Variants in CLDN16 observed in about 807,000 individuals in gnomAD.
CLDN16 encodes claudin-16.
In CLDN16, 13 loss-of-function variants were observed where a neutral mutation model predicts 24.6. That is an observed-to-expected ratio of 0.53 (90% CI 0.34 to 0.84). The LOEUF is 0.84. Among genes scored for constraint, CLDN16 ranks in the 40% least tolerant of loss-of-function variants. The probability of loss-of-function intolerance (pLI) is 0.01; values close to 1 mark genes in which losing one functional copy is unlikely to be tolerated. For synonymous variants in CLDN16, 116 were observed against 106.7 expected, an observed-to-expected ratio of 1.09 and a Z score of -0.54; for missense variants, 298 against 292.7, an observed-to-expected ratio of 1.02 and a Z score of -0.13.
At chr3:190,325,243 C>A (rs1717036325) in intron 1 of CLDN16, among the ~76,000 whole-genome samples, 1 of 152,174 alleles carries the variant, frequency 6.6e-6, no homozygotes, top group Non-Finnish European at 1.5e-5. Flanking sequence ...GAATTCCAAA[C>A]TATATAATTT....
At chr3:190,373,461 T>C (rs1718184228) in intron 2 of CLDN16, among the ~76,000 whole-genome samples, 1 of 152,006 alleles carries the variant, frequency 6.6e-6, no homozygotes, top group South Asian at 2.1e-4. Flanking sequence ...TGATTCTCAA[T>C]CTTCTTGAAA....
chr3:190,406,140 G>A (rs1719091031), intron 3 of CLDN16, among the ~76,000 whole-genome samples: 1 of 152,210 alleles, frequency 6.6e-6, no homozygotes, highest in Non-Finnish European at 1.5e-5. Context: ...CTATGGTGAA[G>A]ATGCAATGTG....
At chr3:190,319,537 G>T (rs568202207), upstream of CLDN16, among the ~76,000 whole-genome samples, 12 of 152,224 alleles carry the variant, frequency 7.9e-5, no homozygotes, top group South Asian at 1.0e-3. Context: ...AAGGTCATAT[G>T]CTTTTTATGA....
chr3:190,398,347 G>T (rs2108665747), intron 1 of CLDN16, among the ~76,000 whole-genome samples: 1 of 152,352 alleles, frequency 6.6e-6, no homozygotes, highest in African/African-American at 2.4e-5. Flanking sequence ...AGTTCTGGAA[G>T]AATCCGTTCT....
chr3:190,297,254 A>C, the CLDN16 span, among the ~76,000 whole-genome samples: 1 of 151,794 alleles, frequency 6.6e-6, no homozygotes, highest in South Asian at 2.1e-4. Context: ...ATAAAAAGTC[A>C]CATCAACAGA....
chr3:190,300,032 C>G, the CLDN16 span, among the ~76,000 whole-genome samples: 4 of 152,150 alleles, frequency 2.6e-5, no homozygotes, highest in African/African-American at 9.7e-5. Flanking sequence ...TGTCTACTAC[C>G]TACCTTGGGA....
intron 1 of CLDN16, among the ~76,000 whole-genome samples, chr3:190,395,600 ATAAG>A (rs1377796237): frequency 6.6e-6 from 1 of 152,112 alleles, no homozygotes; most frequent in Non-Finnish European, 1.5e-5. Flanking sequence ...CTTAATAAAT[ATAAG>A]TAAGTACTAA....
At chr3:190,355,372 C>G (rs1302225884) in intron 1 of CLDN16, among the ~76,000 whole-genome samples, 2 of 151,778 alleles carry the variant, frequency 1.3e-5, no homozygotes, top group African/African-American at 4.8e-5. Context: ...AATTATTGGC[C>G]TGTTAAAAAT....
chr3:190,337,033 G>A (rs1043307265), intron 1 of CLDN16, among the ~76,000 whole-genome samples: 1 of 152,198 alleles, frequency 6.6e-6, no homozygotes, highest in Non-Finnish European at 1.5e-5. Context: ...ATCCTTATGA[G>A]CAGCTAATAG....
chr3:190,312,556 T>A, the CLDN16 span, among the ~76,000 whole-genome samples: 1 of 152,220 alleles, frequency 6.6e-6, no homozygotes, highest in Non-Finnish European at 1.5e-5. Flanking sequence ...GGAGACACCA[T>A]AGGAATTATC....
At chr3:190,398,731 A>G (rs539141182) in intron 1 of CLDN16, among the ~76,000 whole-genome samples, 44 of 152,252 alleles carry the variant, frequency 2.9e-4, no homozygotes, top group Non-Finnish European at 6.2e-4. Context: ...TGAGCATATC[A>G]TTTATATTGC....
the CLDN16 span, among the ~76,000 whole-genome samples, chr3:190,298,366 C>CACACACACACACACACACACAA: frequency 6.6e-6 from 1 of 151,768 alleles, no homozygotes; most frequent in African/African-American, 2.4e-5. Flanking sequence ...CACACACACA[C>CACACACACACACACACACACAA]ACACACACAC....
chr3:190,350,611 A>C (rs1256461925), intron 1 of CLDN16, among the ~76,000 whole-genome samples: 1 of 152,150 alleles, frequency 6.6e-6, no homozygotes, highest in Non-Finnish European at 1.5e-5. Flanking sequence ...CAGCTCCACC[A>C]TTTAACTAGC....
intron 1 of CLDN16, among the ~76,000 whole-genome samples, chr3:190,322,847 T>A (rs1165777311): frequency 6.6e-6 from 1 of 152,044 alleles, no homozygotes; most frequent in African/African-American, 2.4e-5. Flanking sequence ...TCCTCCCCCA[T>A]CACACCATTT....
At chr3:190,377,378 C>T (rs900537587) in intron 3 of CLDN16, among the ~76,000 whole-genome samples, 1 of 151,738 alleles carries the variant, frequency 6.6e-6, no homozygotes, top group African/African-American at 2.4e-5. Context: ...AAACATTTTA[C>T]TAAAAATGGA....
intron 1 of CLDN16, among the ~76,000 whole-genome samples, chr3:190,337,146 G>A (rs573388580): frequency 2.2e-4 from 33 of 152,296 alleles, no homozygotes; most frequent in African/African-American, 7.5e-4. Context: ...GTAAGTCCTG[G>A]AAGACAGTAT....
upstream of CLDN16, among the ~76,000 whole-genome samples, chr3:190,319,075 T>C (rs1049638214): frequency 2.0e-5 from 3 of 152,124 alleles, no homozygotes; most frequent in Non-Finnish European, 4.4e-5. Flanking sequence ...ATTCTCTGCT[T>C]GCACACCTCC....
In CLDN16 at chr3:190,376,743, G is replaced by C. The variant is rs376635016; in HGVS notation, n.306+2140G>C. On this transcript the variant is annotated intron_variant and non_coding_transcript_variant, in intron 3 of 4. Coordinates refer to the CLDN16 transcript ENST00000468220. ...TCTGCCCATAAAGAATTCCCATCCT[G>C]GTAAGGAGAAGAGACACAGAGAATT... Among the ~76,000 whole-genome samples, 8 of 151,980 alleles carry C rather than the reference G, an allele frequency of 5.3e-5. No individual in the cohort carries two copies. The East Asian group carries it at 1.2e-3, about 22-fold the overall frequency.
chr3:190,375,601 G>C (rs1718228947), intron 3 of CLDN16, among the ~76,000 whole-genome samples: 1 of 151,940 alleles, frequency 6.6e-6, no homozygotes, highest in Admixed American at 6.6e-5. Flanking sequence ...TGAAATTTTA[G>C]ATGTAAGTAA....
Sources: allele counts gnomAD v4.1 joint callset (sites outside exome capture counted in the v4.1 genomes callset), GRCh38; gene constraint gnomAD v4.1.1; transcripts MANE v1.5; gene names NCBI Gene and HGNC (gene_info 2026-07-23, HGNC 2026-07-21).